Variants in ABCE1 observed in about 807,000 individuals in gnomAD.
ABCE1 encodes ATP binding cassette subfamily E member 1, also known as ATP-binding cassette sub-family E member 1.
In ABCE1, 22 loss-of-function variants were observed where a neutral mutation model predicts 83.4. The ratio of observed to expected loss-of-function variants is 0.26; its 90% CI spans 0.19 to 0.38. ABCE1 has a LOEUF of 0.38. ABCE1 is among the 10% of genes least tolerant of loss of function. ABCE1 has a pLI of 1.00. For missense variants in ABCE1, 330 were observed against 721.9 expected (o/e 0.46, Z 6.22); for synonymous variants, 204 against 233.7 (o/e 0.87, Z 1.16).
chr4:145,113,145 G>T (rs1749526642), intron 9 of ABCE1, among the ~76,000 whole-genome samples: 1 of 152,150 alleles, frequency 6.6e-6, no homozygotes. Flanking sequence ...TAGGTCTTGG[G>T]TTTTAACATC....
At chr4:145,106,030 A>G (rs928969448) in intron 3 of ABCE1, among the ~76,000 whole-genome samples, 2 of 151,906 alleles carry the variant, frequency 1.3e-5, no homozygotes, top group Non-Finnish European at 2.9e-5. Context: ...TTTAAATAGA[A>G]ATGCACACAG....
At chr4:145,104,147 A>AT (rs1012034651) in intron 1 of ABCE1, among the ~76,000 whole-genome samples, 1 of 151,648 alleles carries the variant, frequency 6.6e-6, no homozygotes, top group African/African-American at 2.4e-5. Context: ...TGTAAATGAC[A>AT]TTTTTTTCTT....
At chr4:145,113,467 T>G (rs2126707145) in intron 9 of ABCE1, among the ~76,000 whole-genome samples, 1 of 152,264 alleles carries the variant, frequency 6.6e-6, no homozygotes, top group East Asian at 1.9e-4. Flanking sequence ...ACTTTTATGG[T>G]ACATAGCAGA....
intron 13 of ABCE1, 157 bp downstream of exon 13, chr4:145,121,548 A>G (rs958446802): frequency 1.5e-5 from 9 of 603,130 alleles, no homozygotes; most frequent in Non-Finnish European, 2.6e-5. Flanking sequence ...TCCTTGATTC[A>G]TATCCACTGC....
intron 17 of ABCE1, among the ~76,000 whole-genome samples, chr4:145,126,160 A>G (rs1233041096): frequency 6.6e-6 from 1 of 152,202 alleles, no homozygotes; most frequent in African/African-American, 2.4e-5. Flanking sequence ...TGTAGTTCAC[A>G]GTTGTGCACC....
chr4:145,101,739 T>C (rs9998052), intron 1 of ABCE1, among the ~76,000 whole-genome samples: 14,379 of 152,204 alleles, frequency 0.094, 818 homozygotes, highest in South Asian at 0.18. Flanking sequence ...GATTTGGGCC[T>C]GAGCAAATGG....
intron 15 of ABCE1, 52 bp downstream of exon 15, chr4:145,123,409 T>C (rs1209630972): frequency 1.9e-6 from 3 of 1,589,896 alleles, no homozygotes; most frequent in Non-Finnish European, 2.6e-6. Context: ...GTCCTACAAG[T>C]GTGCTTAATA....
At chr4:145,104,659 T>G in intron 2 of ABCE1, 144 bp downstream of exon 2, 1 of 533,364 alleles carries the variant, frequency 1.9e-6, no homozygotes, top group Non-Finnish European at 3.0e-6. Flanking sequence ...AGTAGTTTGT[T>G]CTAAATTTCT....
intron 10 of ABCE1, among the ~76,000 whole-genome samples, 181 bp downstream of exon 10, chr4:145,117,595 T>G (rs1417943113): frequency 6.6e-6 from 1 of 151,882 alleles, no homozygotes; most frequent in Non-Finnish European, 1.5e-5. Flanking sequence ...AAATATATTT[T>G]TTTCATTTTG....
At chr4:145,116,023 G>A (rs925772693) in intron 9 of ABCE1, among the ~76,000 whole-genome samples, 1 of 151,914 alleles carries the variant, frequency 6.6e-6, no homozygotes, top group East Asian at 1.9e-4. Flanking sequence ...TGCATATTAG[G>A]AAAAGTATTC....
chr4:145,119,384 GGTT>G (rs1336486781), intron 10 of ABCE1, among the ~76,000 whole-genome samples: 1 of 151,764 alleles, frequency 6.6e-6, no homozygotes, highest in Non-Finnish European at 1.5e-5. Context: ...TTTAGATAAT[GGTT>G]GTTATCTTTG....
chr4:145,116,641 G>A (rs957095149), intron 9 of ABCE1, among the ~76,000 whole-genome samples: 2 of 151,836 alleles, frequency 1.3e-5, no homozygotes, highest in South Asian at 2.1e-4. Context: ...TATTACTTGC[G>A]TCTAAAACTT....
chr4:145,104,630 A>G (rs1431239840), intron 2 of ABCE1, 115 bp downstream of exon 2: 2 of 613,968 alleles, frequency 3.3e-6, no homozygotes, highest in Non-Finnish European at 5.0e-6. Context: ...TAGTTTCATA[A>G]AACTGTGAAG....
intron 1 of ABCE1, among the ~76,000 whole-genome samples, chr4:145,103,169 C>T (rs867511255): frequency 6.6e-6 from 1 of 152,028 alleles, no homozygotes; most frequent in Admixed American, 6.6e-5. Context: ...AGCAAGATCT[C>T]TTATCCCCAT....
chr4:145,112,242 C>G lies in ABCE1; in HGVS notation c.714C>G (p.Phe238Leu). ...AVVCIQKADI[F>L]MFDEPSSYLD... ...TTTTTTTTTTTTTTTTTCATAGTTTCATGTTTGATGAGCCTTCTAGTTACC... is the reference window on the plus strand; with the variant it reads ...TTTTTTTTTTTTTTTTTCATAGTTTGATGTTTGATGAGCCTTCTAGTTACC... The change falls in exon 9 of 18, where the codon TTC becomes TTG. Residue 238 changes from phenylalanine to leucine, a missense_variant. Physicochemically the swap from Phe to Leu is conservative, Grantham distance 22. Transcript: ENST00000296577. 8 of 997,892 alleles carry G rather than the reference C, an allele frequency of 8.0e-6. No individual in the cohort carries two copies. Among genetic ancestry groups the G allele is most frequent in the Non-Finnish European group, 8.2e-6 (6 of 733,080 alleles). 61.8% of individuals were successfully genotyped at this position (997,892 alleles called of 1,614,324 possible). A position where few individuals can be genotyped will look rare whatever the true frequency, so the allele number is the denominator to read the frequency against.
At position 145,125,067 on chromosome 4, in the gene ABCE1, A is replaced by G; in HGVS notation, c.1718A>G (p.Tyr573Cys). The G allele has an allele frequency of 1.9e-6, 3 of 1,612,174 alleles. No individual in the cohort carries two copies. Among genetic ancestry groups the G allele is most frequent in the African/African-American group, 1.3e-5 (1 of 74,984 alleles). The change falls in exon 17 of 18, where the codon TAT becomes TGT. Residue 573 changes from tyrosine to cysteine, a missense_variant. By Grantham distance (194) the Tyr-to-Cys change is radical. Transcript: ENST00000296577. ...EITFRRDPNN[Y>C]RPRINKLNSI... ...ACATTCAGAAGAGATCCAAACAACT[A>G]TAGGCCACGAATAAACAAACTTAAT... is the stretch of plus-strand genomic sequence containing the variant.
chr4:145,109,243 G>A lies in ABCE1; in HGVS notation c.399G>A (p.Lys133=), dbSNP rs1749394870. The change falls in exon 5 of 18, where the codon AAG becomes AAA. Residue 133 remains lysine (K), a synonymous_variant. Transcript: ENST00000296577. ...LAGKQKPNLG[K]YDDPPDWQEI... is the part of the protein sequence containing the mutation. ...GAAAACAAAAGCCAAACCTTGGAAA[G>A]TACGATGTATGTATTATCACCTTGT... The A allele has an allele frequency of 1.3e-6, 2 of 1,598,098 alleles. No individual in the cohort carries two copies. The highest frequency in any genetic ancestry group is 2.2e-5 in the East Asian group (1 of 44,614).
At chr4:145,098,766 C>T (rs550427487) in intron 1 of ABCE1, among the ~76,000 whole-genome samples, 2 of 152,358 alleles carry the variant, frequency 1.3e-5, no homozygotes, top group Non-Finnish European at 2.9e-5. Context: ...ACCTTTAGAA[C>T]TTACAGCACT....
chr4:145,099,049 C>T (rs1464492680), intron 1 of ABCE1, among the ~76,000 whole-genome samples: 1 of 152,158 alleles, frequency 6.6e-6, no homozygotes, highest in Non-Finnish European at 1.5e-5. Flanking sequence ...TTTTTTGGTA[C>T]GCTTTTGTAG....
Sources: gnomAD v4.1 joint callset for allele counts (sites outside exome capture counted in the v4.1 genomes callset) on GRCh38, gnomAD v4.1.1 for gene constraint, MANE v1.5 for transcripts, NCBI Gene and HGNC (gene_info 2026-07-23, HGNC 2026-07-21) for gene names.